The following NOCT variants were observed in gnomAD, a reference collection of about 807,000 sequenced individuals.
NOCT encodes CCR4 carbon catabolite repression 4-like.
In NOCT, 18 loss-of-function variants were observed where a neutral mutation model predicts 35.0. That is an observed-to-expected ratio of 0.51 (90% CI 0.36 to 0.76). The LOEUF (loss-of-function observed/expected upper bound fraction) is 0.76. NOCT is among the 30% of genes least tolerant of loss of function. The pLI, the probability that NOCT is intolerant of heterozygous loss-of-function variation, is 0.01. For synonymous variants in NOCT, 235 were observed against 226.3 expected (o/e 1.04, Z -0.34); for missense variants, 479 against 541.0 (o/e 0.89, Z 1.14).
In NOCT at chr4:139,027,867, T is replaced by C. The variant is rs147709570; in HGVS notation, c.190+11696T>C. 3.3e-5 allele frequency among the ~76,000 whole-genome samples: 5 copies of C among 152,102 alleles called. No individual in the cohort carries two copies. In the East Asian group the frequency reaches 9.7e-4, roughly 29 times the overall value. On this transcript the variant is annotated intron_variant, in intron 1 of 2. Coordinates refer to ENST00000280614, the MANE Select transcript of NOCT (RefSeq NM_012118.4). ...TCATGAAATATTACTGTTCTTAAGGTTCCCCCCCTCCCCCTACCATTTAAA... is the reference window on the plus strand; with the variant it reads ...TCATGAAATATTACTGTTCTTAAGGCTCCCCCCCTCCCCCTACCATTTAAA...
At chr4:139,025,173 T>G (rs1211108762) in intron 1 of NOCT, among the ~76,000 whole-genome samples, 2 of 152,210 alleles carry the variant, frequency 1.3e-5, no homozygotes, top group Non-Finnish European at 2.9e-5. Flanking sequence ...TGGGGTATTC[T>G]TTGGTTCTAT....
At chr4:139,043,535 T>TTA in intron 2 of NOCT, 192 bp downstream of exon 2, 1 of 549,780 alleles carries the variant, frequency 1.8e-6, no homozygotes, top group South Asian at 2.6e-5. Flanking sequence ...TTTTTTTTTT[T>TTA]AGAAAGAAAA....
chr4:139,022,030 A>T (rs1726425054), intron 1 of NOCT, among the ~76,000 whole-genome samples: 2 of 152,286 alleles, frequency 1.3e-5, no homozygotes, highest in South Asian at 4.1e-4. Flanking sequence ...GAGTGCTGGG[A>T]TTACAGGTGT....
intron 1 of NOCT, among the ~76,000 whole-genome samples, chr4:139,040,632 A>G (rs1726819352): frequency 6.6e-6 from 1 of 152,232 alleles, no homozygotes; most frequent in African/African-American, 2.4e-5. Context: ...TGGCAAAGAT[A>G]AAATGTCATC....
At chr4:139,043,460 G>A in intron 2 of NOCT, 117 bp downstream of exon 2, 1 of 952,118 alleles carries the variant, frequency 1.1e-6, no homozygotes, top group South Asian at 1.5e-5. Context: ...AGATGGAGGT[G>A]ACTGCAGCAG....
chr4:139,044,725 A>C lies in NOCT; in HGVS notation c.547A>C (p.Ile183Leu), dbSNP rs1375691966. 6.2e-7 allele frequency: 1 copy of C among 1,614,204 alleles called. No homozygotes were observed. ...AAGGAAATGTCTCATCCTGGAAGAA[A>C]TCCTGGCCTACCAGCCTGATATATT... Reference protein sequence around the residue: ...EERKCLILEEILAYQPDILCL... With the variant: ...EERKCLILEELLAYQPDILCL... The change falls in exon 3 of 3, where the codon ATC becomes CTC. Residue 183 changes from isoleucine (I) to leucine (L), a missense_variant. Coordinates refer to ENST00000280614, the MANE Select transcript of NOCT (RefSeq NM_012118.4).
At chr4:139,019,219 C>G (rs1361466121) in intron 1 of NOCT, among the ~76,000 whole-genome samples, 2 of 152,076 alleles carry the variant, frequency 1.3e-5, no homozygotes, top group Admixed American at 6.6e-5. Flanking sequence ...CTGTGCCGGG[C>G]TAATTTTTGT....
chr4:139,037,659 C>G (rs1418982218), intron 1 of NOCT, among the ~76,000 whole-genome samples: 1 of 152,168 alleles, frequency 6.6e-6, no homozygotes, highest in African/African-American at 2.4e-5. Context: ...TTCCCCCGTT[C>G]TAACCCAGAT....
chr4:139,037,939 G>A (rs1243742928), intron 1 of NOCT, among the ~76,000 whole-genome samples: 2 of 150,950 alleles, frequency 1.3e-5, no homozygotes, highest in East Asian at 1.9e-4. Flanking sequence ...GGTGGCTCAC[G>A]CCTATAATTC....
intron 2 of NOCT, among the ~76,000 whole-genome samples, chr4:139,044,085 T>C (rs1418665146): frequency 1.3e-5 from 2 of 150,822 alleles, no homozygotes; most frequent in Non-Finnish European, 2.9e-5. Flanking sequence ...CTATGTAGCA[T>C]TGCCTTTTAT....
intron 1 of NOCT, among the ~76,000 whole-genome samples, chr4:139,016,730 C>T (rs1167373643): frequency 2.3e-5 from 3 of 132,534 alleles, no homozygotes; most frequent in African/African-American, 8.3e-5. Context: ...ATCGGCTTAC[C>T]GCAACCTCCC....
chr4:139,021,239 C>T (rs898365211), intron 1 of NOCT, among the ~76,000 whole-genome samples: 1 of 152,026 alleles, frequency 6.6e-6, no homozygotes, highest in Non-Finnish European at 1.5e-5. Flanking sequence ...TGGGCTCAAG[C>T]AATCCTCCCG....
At position 139,026,052 on chromosome 4, in the gene NOCT, A is replaced by G. The variant is rs573046510; in HGVS notation, c.190+9881A>G. On this transcript the variant is annotated intron_variant, in intron 1 of 2. Coordinates refer to ENST00000280614, the MANE Select transcript of NOCT (RefSeq NM_012118.4). ...TTTATTGGTTTTATGATATATATAC[A>G]AATAGACTAGTGGTGAGCATAGCTG... 2.0e-5 allele frequency among the ~76,000 whole-genome samples: 3 copies of G among 152,310 alleles called. No individual in the cohort carries two copies. In the South Asian group the frequency reaches 6.2e-4, roughly 32 times the overall value.
At chr4:139,017,225 C>CTTTTT (rs547505786) in intron 1 of NOCT, among the ~76,000 whole-genome samples, 2 of 122,840 alleles carry the variant, frequency 1.6e-5, no homozygotes, top group Non-Finnish European at 3.4e-5. Flanking sequence ...CAATACATAA[C>CTTTTT]TTTTTTTTTT....
rs1312103255 is a variant in NOCT, at chr4:139,044,676, T to G, written c.498T>G (p.Pro166=). The change falls in exon 3 of 3, where the codon CCT becomes CCG. Residue 166 remains proline (P), a synonymous_variant. Coordinates refer to ENST00000280614, the MANE Select transcript of NOCT (RefSeq NM_012118.4). ...GEGKDNFVQC[P]VEALKWEERK... Reference sequence around the variant, plus strand: ...GCAAAGACAACTTTGTACAGTGCCCTGTTGAAGCACTCAAATGGGAAGAAA... The same window carrying G: ...GCAAAGACAACTTTGTACAGTGCCCGGTTGAAGCACTCAAATGGGAAGAAA... 1.2e-6 allele frequency: 2 copies of G among 1,613,972 alleles called. No individual in the cohort carries two copies. Among genetic ancestry groups the G allele is most frequent in the Non-Finnish European group, 8.5e-7 (1 of 1,179,826 alleles).
chr4:139,017,747 G>A (rs1323151040), intron 1 of NOCT, among the ~76,000 whole-genome samples: 1 of 151,770 alleles, frequency 6.6e-6, no homozygotes, highest in Admixed American at 6.6e-5. Context: ...AGTGAGCCGA[G>A]ATCGCACCAT....
At chr4:139,022,266 C>T (rs928746158) in intron 1 of NOCT, among the ~76,000 whole-genome samples, 1 of 152,074 alleles carries the variant, frequency 6.6e-6, no homozygotes, top group Non-Finnish European at 1.5e-5. Flanking sequence ...GGAGTGAGAC[C>T]TCAAGTGAAA....
rs1327701104 is a variant in NOCT, at chr4:139,045,049, A to G, written c.871A>G (p.Thr291Ala). 1.9e-6 allele frequency: 3 copies of G among 1,614,098 alleles called. No homozygotes were observed. Among genetic ancestry groups the G allele is most frequent in the African/African-American group, 1.3e-5 (1 of 74,936 alleles). ...CIAVTHLKARTGWERFRSAQG... is the reference protein window; with the variant it reads ...CIAVTHLKARAGWERFRSAQG... ...CGCTGTTACCCATCTAAAAGCACGCACTGGCTGGGAGCGGTTTCGATCAGC... is the reference window on the plus strand; with the variant it reads ...CGCTGTTACCCATCTAAAAGCACGCGCTGGCTGGGAGCGGTTTCGATCAGC... The change falls in exon 3 of 3, where the codon ACT becomes GCT. Residue 291 changes from threonine to alanine, a missense_variant. Thr to Ala is a moderately conservative substitution (Grantham distance 58). Transcript: ENST00000280614.
At chr4:139,042,162 G>C (rs1405504881) in intron 1 of NOCT, among the ~76,000 whole-genome samples, 2 of 138,792 alleles carry the variant, frequency 1.4e-5, no homozygotes, top group African/African-American at 5.3e-5. Context: ...CCATCTCCCT[G>C]GTTCAAGCAA....
Sources: allele counts gnomAD v4.1 joint callset (sites outside exome capture counted in the v4.1 genomes callset), GRCh38; gene constraint gnomAD v4.1.1; transcripts MANE v1.5; gene names NCBI Gene and HGNC (gene_info 2026-07-23, HGNC 2026-07-21).